The following KIAA1549L variants were observed in gnomAD, a reference collection of about 807,000 sequenced individuals.
The protein encoded by KIAA1549L is UPF0606 protein KIAA1549L.
In KIAA1549L, 88 loss-of-function variants were observed where a neutral mutation model predicts 160.7. The ratio of observed to expected loss-of-function variants is 0.55; its 90% CI spans 0.46 to 0.65. KIAA1549L has a LOEUF of 0.65. Ranked by LOEUF, KIAA1549L falls within the 30% of genes least tolerant of loss-of-function variation. The probability of loss-of-function intolerance (pLI) is 0.00; values close to 1 mark genes in which losing one functional copy is unlikely to be tolerated. For synonymous variants in KIAA1549L, 950 were observed against 976.7 expected (o/e 0.97, Z 0.51); for missense variants, 2,258 against 2,437.5 (o/e 0.93, Z 1.55).
chr11:33,645,286 T>G (rs1288710309), intron 16 of KIAA1549L, among the ~76,000 whole-genome samples: 1 of 152,174 alleles, frequency 6.6e-6, no homozygotes, highest in African/African-American at 2.4e-5. Flanking sequence ...GGAGTGAATC[T>G]AGAATGCTAC....
chr11:33,607,576 C>A (rs1004589263), intron 14 of KIAA1549L, among the ~76,000 whole-genome samples: 2 of 152,194 alleles, frequency 1.3e-5, no homozygotes, highest in East Asian at 1.9e-4. Context: ...TGTGCCCAAG[C>A]ATGTACACAC....
At chr11:33,572,982 C>T (rs541923938) in intron 9 of KIAA1549L, among the ~76,000 whole-genome samples, 37 of 152,316 alleles carry the variant, frequency 2.4e-4, no homozygotes, top group Non-Finnish European at 4.4e-4. Context: ...TTACTTTAGC[C>T]GTGCTGGTGG....
intron 1 of KIAA1549L, among the ~76,000 whole-genome samples, chr11:33,475,558 TAAAA>T (rs561392965): frequency 7.2e-6 from 1 of 139,194 alleles, no homozygotes; most frequent in Non-Finnish European, 1.6e-5. Flanking sequence ...CCTGTCTCTT[TAAAA>T]AAAAAAAAGG....
At chr11:33,423,899 T>C (rs1015543370) in intron 1 of KIAA1549L, among the ~76,000 whole-genome samples, 5 of 152,120 alleles carry the variant, frequency 3.3e-5, no homozygotes, top group African/African-American at 1.2e-4. Flanking sequence ...CATGGTGGCA[T>C]GTGCCTGTGG....
Position 33,386,046 on chromosome 11 carries a change from C to T in KIAA1549L, c.238+9157C>T, listed in dbSNP as rs185384097. ...TCTGTGAATAAAGACACTTTTCATT[C>T]TTTCAAATCTGTAAGGCTTTTATTT... On this transcript the variant is annotated intron_variant, in intron 1 of 20. Transcript: ENST00000658780. Among the ~76,000 whole-genome samples the T allele has an allele frequency of 8.5e-4, 130 of 152,256 alleles. 1 individual carries two copies. Among genetic ancestry groups the T allele is most frequent in the Non-Finnish European group, 1.6e-3 (111 of 68,006 alleles).
chr11:33,408,491 A>ATATATATATATG (rs1850717409), intron 1 of KIAA1549L, among the ~76,000 whole-genome samples: 2 of 92,548 alleles, frequency 2.2e-5, no homozygotes, highest in African/African-American at 8.7e-5. Flanking sequence ...GTATATGTGT[A>ATATATATATATG]TATATATATA....
chr11:33,654,664 C>T (rs1852002745), intron 17 of KIAA1549L, among the ~76,000 whole-genome samples: 1 of 152,130 alleles, frequency 6.6e-6, no homozygotes, highest in Admixed American at 6.5e-5. Flanking sequence ...GTCAATATGG[C>T]GTTTGTTTTC....
At chr11:33,484,323 G>C (rs1036587670) in intron 1 of KIAA1549L, among the ~76,000 whole-genome samples, 6 of 152,142 alleles carry the variant, frequency 3.9e-5, no homozygotes, top group African/African-American at 1.4e-4. Context: ...TAAGATCTCA[G>C]TATCACCGCC....
intron 5 of KIAA1549L, 138 bp downstream of exon 5, chr11:33,551,397 C>T (rs1371693135): frequency 1.4e-6 from 1 of 700,590 alleles, no homozygotes; most frequent in Non-Finnish European, 2.5e-6. Flanking sequence ...AAGGGTCCTG[C>T]TAATCAAATG....
At chr11:33,500,770 C>T (rs746392869) in intron 1 of KIAA1549L, among the ~76,000 whole-genome samples, 36 of 151,772 alleles carry the variant, frequency 2.4e-4, no homozygotes, top group Non-Finnish European at 1.0e-4. Context: ...ACTTGTACCC[C>T]CAAAATATAT....
At chr11:33,601,040 AG>A (rs1850347507) in intron 13 of KIAA1549L, among the ~76,000 whole-genome samples, 1 of 152,082 alleles carries the variant, frequency 6.6e-6, no homozygotes, top group Non-Finnish European at 1.5e-5. Flanking sequence ...TATTCTATTT[AG>A]GTCACTTTGA....
intron 1 of KIAA1549L, among the ~76,000 whole-genome samples, chr11:33,404,007 C>A (rs567101411): frequency 4.1e-4 from 63 of 152,204 alleles, no homozygotes; most frequent in African/African-American, 1.4e-3. Flanking sequence ...GATTTGAGGT[C>A]ACCAGGTTCA....
intron 1 of KIAA1549L, among the ~76,000 whole-genome samples, chr11:33,400,440 T>C (rs1484653429): frequency 6.6e-6 from 1 of 152,184 alleles, no homozygotes; most frequent in Non-Finnish European, 1.5e-5. Context: ...TGGTAAGAAC[T>C]TGTCTGAAAT....
chr11:33,650,421 A>T (rs1851851290), intron 17 of KIAA1549L, among the ~76,000 whole-genome samples: 1 of 152,136 alleles, frequency 6.6e-6, no homozygotes, highest in South Asian at 2.1e-4. Context: ...TTTTTCTGTG[A>T]TCTTCTCTGC....
In KIAA1549L at chr11:33,516,139, CTTTTTTTT is replaced by C. The variant is rs927894187; in HGVS notation, c.239-25640_239-25633del. On this transcript the variant is annotated intron_variant, in intron 1 of 20. Transcript: ENST00000658780. Reference sequence around the variant, plus strand: ...CACTACCAATCAGCTGGAGGTGATTCTTTTTTTTTTTTTTTTTTTTTTTTTTTTTTGAG... The same window carrying C: ...CACTACCAATCAGCTGGAGGTGATTCTTTTTTTTTTTTTTTTTTTTTTGAG... Among the ~76,000 whole-genome samples the C allele has an allele frequency of 2.3e-4, 10 of 43,288 alleles. 1 individual carries two copies. In the South Asian group the frequency reaches 3.1e-3, roughly 13 times the overall value. The allele number at this position is 43,288 out of a possible 152,430, so 28.4% of individuals were successfully genotyped here. A position where few individuals can be genotyped will look rare whatever the true frequency, so the allele number is the denominator to read the frequency against.
At chr11:33,394,102 A>G (rs1315908300) in intron 1 of KIAA1549L, among the ~76,000 whole-genome samples, 23 of 152,156 alleles carry the variant, frequency 1.5e-4, no homozygotes, top group Admixed American at 1.3e-3. Flanking sequence ...GCTGGGCGCA[A>G]TGGCTCACAC....
chr11:33,601,805 A>G (rs576285682), intron 13 of KIAA1549L, among the ~76,000 whole-genome samples: 105 of 152,222 alleles, frequency 6.9e-4, no homozygotes, highest in Non-Finnish European at 1.1e-3. Context: ...AAAAGACACT[A>G]TTCTGCTAGC....
At chr11:33,475,920 C>G (rs1852276330) in intron 1 of KIAA1549L, among the ~76,000 whole-genome samples, 1 of 152,098 alleles carries the variant, frequency 6.6e-6, no homozygotes, top group South Asian at 2.1e-4. Context: ...ACCCAACTCC[C>G]CCCAGGTTGG....
chr11:33,646,697 G>C (rs1479738685), intron 17 of KIAA1549L, among the ~76,000 whole-genome samples: 1 of 152,178 alleles, frequency 6.6e-6, no homozygotes, highest in Non-Finnish European at 1.5e-5. Context: ...GAGGACATCT[G>C]TCCAGCAACT....
Sources: allele counts gnomAD v4.1 joint callset (sites outside exome capture counted in the v4.1 genomes callset), GRCh38; gene constraint gnomAD v4.1.1; transcripts MANE v1.5; gene names NCBI Gene and HGNC (gene_info 2026-07-23, HGNC 2026-07-21).